TRAP1: variants seen among roughly 807,000 people sequenced by gnomAD.
The protein encoded by TRAP1 is TNF receptor associated protein 1.
Under a neutral mutation model 89.1 loss-of-function variants are expected in TRAP1, and 102 were observed. That is an observed-to-expected ratio of 1.15 (90% CI 0.98 to 1.35). The LOEUF (loss-of-function observed/expected upper bound fraction) is 1.35. TRAP1 is among the 40% of genes most tolerant of loss of function. The pLI, the probability that TRAP1 is intolerant of heterozygous loss-of-function variation, is 0.00. For synonymous variants in TRAP1, 508 were observed against 388.0 expected (o/e 1.31, Z -3.64); for missense variants, 1,256 against 945.3 (o/e 1.33, Z -4.31).
At position 3,664,334 on chromosome 16, in the gene TRAP1, G is replaced by A; in HGVS notation, c.1509C>T (p.Pro503=). The change falls in exon 13 of 18, where the codon CCC becomes CCT. Residue 503 remains proline (P), a synonymous_variant. Coordinates refer to ENST00000246957, the MANE Select transcript of TRAP1 (RefSeq NM_016292.3). ...GTRNIYYLCA[P]NRHLAEHSPY... is the part of the protein sequence containing the mutation. Reference sequence around the variant, plus strand: ...GTGAGTGCTCTGCCAGGTGACGGTTGGGGGCGCACAGGTAGTAGATGTTGC... The same window carrying A: ...GTGAGTGCTCTGCCAGGTGACGGTTAGGGGCGCACAGGTAGTAGATGTTGC... 1 of 1,612,740 alleles carries A rather than the reference G, an allele frequency of 6.2e-7. No individual in the cohort carries two copies. The highest frequency in any genetic ancestry group is 2.2e-5 in the East Asian group (1 of 44,834).
In TRAP1 at chr16:3,683,390, T is replaced by C. The variant is rs548960858; in HGVS notation, c.471+2606A>G. Among the ~76,000 whole-genome samples the C allele has an allele frequency of 8.2e-5, 12 of 147,214 alleles. No homozygotes were observed. The East Asian group carries it at 2.4e-3, about 29-fold the overall frequency. ...ACCAATGTAATATACTAACATTTCT[T>C]TTTTTTTTTTTTTGAGACGAGTTTC... On this transcript the variant is annotated intron_variant, in intron 4 of 17. Transcript: ENST00000246957.
At chr16:3,716,009 C>T (rs544797397) in intron 1 of TRAP1, among the ~76,000 whole-genome samples, 18 of 152,146 alleles carry the variant, frequency 1.2e-4, no homozygotes, top group East Asian at 3.9e-4. Flanking sequence ...ATTACAGGCG[C>T]GCGCCACCAC....
chr16:3,717,054 A>C (rs1003068834), intron 1 of TRAP1, among the ~76,000 whole-genome samples: 1 of 152,202 alleles, frequency 6.6e-6, no homozygotes, highest in Non-Finnish European at 1.5e-5. Context: ...CATTCCCCGC[A>C]ACATGCACCC....
chr16:3,669,788 G>A (rs1476101639), intron 11 of TRAP1, among the ~76,000 whole-genome samples: 10 of 141,934 alleles, frequency 7.0e-5, no homozygotes, highest in Admixed American at 6.1e-4. Flanking sequence ...AGCCGAGATC[G>A]TGCCACTGCA....
At chr16:3,697,612 T>C (rs1239699984) in intron 1 of TRAP1, among the ~76,000 whole-genome samples, 1 of 141,920 alleles carries the variant, frequency 7.0e-6, no homozygotes, top group Non-Finnish European at 1.5e-5. Context: ...TGCAGCGAGC[T>C]GAGATGGCGC....
At chr16:3,697,966 T>C (rs1479758815) in intron 1 of TRAP1, among the ~76,000 whole-genome samples, 4 of 147,012 alleles carry the variant, frequency 2.7e-5, no homozygotes, top group Admixed American at 6.7e-5. Flanking sequence ...CTTTTGTGTT[T>C]TTTTGTTTTT....
chr16:3,667,578 C>A (rs574406398), intron 11 of TRAP1, among the ~76,000 whole-genome samples: 12 of 150,896 alleles, frequency 8.0e-5, no homozygotes, highest in Admixed American at 4.6e-4. Flanking sequence ...TGAGCCAATA[C>A]CTCGCCACTG....
intron 1 of TRAP1, among the ~76,000 whole-genome samples, chr16:3,691,965 G>A (rs1226775038): frequency 2.0e-5 from 3 of 152,064 alleles, no homozygotes; most frequent in Non-Finnish European, 4.4e-5. Flanking sequence ...GTTCACCGAC[G>A]CAGGCCCAGA....
chr16:3,676,004 C>T (rs745350618), intron 7 of TRAP1, 32 bp downstream of exon 7: 1 of 1,587,218 alleles, frequency 6.3e-7, no homozygotes, highest in Admixed American at 1.7e-5. Context: ...ACATGGATCC[C>T]AGAGTGAGCC....
chr16:3,705,269 C>T lies in TRAP1; in HGVS notation c.88+12152G>A, dbSNP rs548660308. 1.3e-3 allele frequency among the ~76,000 whole-genome samples: 202 copies of T among 152,098 alleles called. 1 individual carries two copies. The highest frequency in any genetic ancestry group is 1.8e-3 in the Non-Finnish European group (125 of 67,984). On this transcript the variant is annotated intron_variant, in intron 1 of 17. Transcript: ENST00000246957. ...TTTTTTTAGTAGACACAGGGTTTCA[C>T]CATGTTAGCCAGGATGGTCTCGATC...
chr16:3,711,462 G>A (rs558272438), intron 1 of TRAP1, among the ~76,000 whole-genome samples: 2 of 152,192 alleles, frequency 1.3e-5, no homozygotes, highest in East Asian at 1.9e-4. Context: ...AGCCGGGCAC[G>A]GTAGTGCATG....
rs1040722107 is a variant in TRAP1, at chr16:3,662,601, C to G, written c.1794+281G>C. The G allele has an allele frequency of 2.0e-5, 13 of 635,472 alleles. 1 individual carries two copies. In the Admixed American group the frequency reaches 2.3e-4, roughly 11 times the overall value. The allele number at this position is 635,472 out of a possible 1,614,324, so 39.4% of individuals were successfully genotyped here. ...GCATGTCCCTTGTTTGGAACCCCCACGTCCTCAGCCATTGCAGCTCCCACT... is the reference window on the plus strand; with the variant it reads ...GCATGTCCCTTGTTTGGAACCCCCAGGTCCTCAGCCATTGCAGCTCCCACT... On this transcript the variant is annotated intron_variant, in intron 15 of 17. Transcript: ENST00000246957.
chr16:3,667,913 C>A (rs530441473), intron 11 of TRAP1, among the ~76,000 whole-genome samples: 4 of 142,864 alleles, frequency 2.8e-5, no homozygotes, highest in African/African-American at 1.0e-4. Context: ...CACCTGCCAC[C>A]ATACCCGGCT....
At chr16:3,683,083 T>C (rs1385629878) in intron 4 of TRAP1, among the ~76,000 whole-genome samples, 1 of 151,872 alleles carries the variant, frequency 6.6e-6, no homozygotes, top group Admixed American at 6.6e-5. Context: ...GCAAGAGAAT[T>C]GCTTGAACCC....
intron 1 of TRAP1, among the ~76,000 whole-genome samples, chr16:3,716,437 AT>A: frequency 6.6e-6 from 1 of 152,342 alleles, no homozygotes; most frequent in Admixed American, 6.5e-5. Context: ...AAAACCTGAA[AT>A]AACCTTTATT....
chr16:3,684,932 G>GA (rs1329605626), intron 4 of TRAP1, among the ~76,000 whole-genome samples: 1 of 152,158 alleles, frequency 6.6e-6, no homozygotes, highest in East Asian at 1.9e-4. Flanking sequence ...TGTTCTTTAA[G>GA]AAAAAAGAAG....
At chr16:3,696,111 G>C (rs1172560807) in intron 1 of TRAP1, among the ~76,000 whole-genome samples, 1 of 152,202 alleles carries the variant, frequency 6.6e-6, no homozygotes, top group African/African-American at 2.4e-5. Flanking sequence ...TCCAGTTTCA[G>C]CACTCTAAAG....
intron 3 of TRAP1, among the ~76,000 whole-genome samples, chr16:3,688,300 C>T (rs2051165335): frequency 6.6e-6 from 1 of 151,958 alleles, no homozygotes; most frequent in Non-Finnish European, 1.5e-5. Context: ...CGCACCTGGC[C>T]CCAAATGCGT....
At chr16:3,674,192 A>AT in intron 9 of TRAP1, 147 bp downstream of exon 9, 1 of 1,138,468 alleles carries the variant, frequency 8.8e-7, no homozygotes, top group South Asian at 1.6e-5. Flanking sequence ...AAGTGCTGGG[A>AT]TAACAGGCGT....
Sources: gnomAD v4.1 joint callset for allele counts (sites outside exome capture counted in the v4.1 genomes callset) on GRCh38, gnomAD v4.1.1 for gene constraint, MANE v1.5 for transcripts, NCBI Gene and HGNC (gene_info 2026-07-23, HGNC 2026-07-21) for gene names.